XIRP2: variants seen among roughly 807,000 people sequenced by gnomAD.
XIRP2 encodes the protein xin actin binding repeat containing 2.
In XIRP2, 236 loss-of-function variants were observed where a neutral mutation model predicts 277.0. That is an observed-to-expected ratio of 0.85 (90% confidence interval 0.77 to 0.95). XIRP2 has a LOEUF of 0.95. Ranked by LOEUF, XIRP2 falls within the 40% of genes least tolerant of loss-of-function variation. The probability of loss-of-function intolerance (pLI) is 0.00; values close to 1 mark genes in which losing one functional copy is unlikely to be tolerated. For missense variants in XIRP2, 4,640 were observed against 4,157.5 expected (o/e 1.12, Z -3.19); for synonymous variants, 1,490 against 1,416.5 (o/e 1.05, Z -1.17).
Position 167,249,296 on chromosome 2 carries a change from A to G in XIRP2, c.7904A>G (p.Glu2635Gly). 4 of 1,613,878 alleles carry G rather than the reference A, an allele frequency of 2.5e-6. No homozygotes were observed. Among genetic ancestry groups the G allele is most frequent in the Non-Finnish European group, 3.4e-6 (4 of 1,179,824 alleles). ...AACCAACTCTCCACAACATCGCCAG[A>G]AACAGTCGCTGCCAAGAGGCTCCAC... ...SDNQLSTTSP[E>G]TVAAKRLHHV... is the part of the protein sequence containing the mutation. The change falls in exon 9 of 11, where the codon GAA (glutamate) becomes GGA (glycine). Residue 2635 changes from glutamate to glycine, a missense_variant. Coordinates refer to ENST00000409195, the MANE Select transcript of XIRP2 (RefSeq NM_152381.6).
intron 8 of XIRP2, 56 bp from the exon 9 acceptor site, chr2:167,242,513 G>C: frequency 6.5e-7 from 1 of 1,531,566 alleles, no homozygotes; most frequent in Non-Finnish European, 8.8e-7. Context: ...GCAGTGCCTA[G>C]GAAGCCTCTG....
intron 2 of XIRP2, among the ~76,000 whole-genome samples, chr2:166,976,338 C>T (rs1234354039): frequency 6.6e-6 from 1 of 152,162 alleles, no homozygotes; most frequent in Non-Finnish European, 1.5e-5. Flanking sequence ...TCCACTCTCC[C>T]ATTCTGTGTT....
intron 6 of XIRP2, 45 bp from the exon 7 acceptor site, chr2:167,240,619 T>G: frequency 6.5e-7 from 1 of 1,544,766 alleles, no homozygotes; most frequent in Non-Finnish European, 8.9e-7. Flanking sequence ...CTAAAATAAT[T>G]GACTTCTTAA....
intron 7 of XIRP2, among the ~76,000 whole-genome samples, chr2:167,241,009 G>A (rs1309325110): frequency 1.3e-5 from 2 of 151,980 alleles, no homozygotes; most frequent in African/African-American, 4.8e-5. Flanking sequence ...ATTCCTTTTT[G>A]CCTCAGGGAC....
chr2:167,243,336 A>C lies in XIRP2; in HGVS notation c.1944A>C (p.Arg648Ser). 1 of 1,614,136 alleles carries C rather than the reference A, an allele frequency of 6.2e-7. No homozygotes were observed. The highest frequency in any genetic ancestry group is 8.5e-7 in the Non-Finnish European group (1 of 1,180,000). The change falls in exon 9 of 11, where the codon AGA becomes AGC. Residue 648 changes from arginine to serine, a missense_variant. By Grantham distance (110) the Arg-to-Ser change is moderately radical. Transcript: ENST00000409195. ...CAGAGAAAATTCCTGAGCTAGCCAGAGGAGATGTCTGCACAGCTCGGTGGA... is the reference window on the plus strand; with the variant it reads ...CAGAGAAAATTCCTGAGCTAGCCAGCGGAGATGTCTGCACAGCTCGGTGGA... ...ENAEKIPELARGDVCTARWMF... is the reference protein window; with the variant it reads ...ENAEKIPELASGDVCTARWMF...
Position 167,046,938 on chromosome 2 carries a change from GA to G in XIRP2, c.409-88961del, listed in dbSNP as rs921596016. ...CTCGAACATGAAATAAAAGTTGAAA[GA>G]AAAAAAAAAGAAATTTCATAAATTT... On this transcript the variant is annotated intron_variant, in intron 2 of 10. Transcript: ENST00000409195. Among the ~76,000 whole-genome samples the G allele has an allele frequency of 2.2e-4, 32 of 147,048 alleles. 1 individual carries two copies. Among genetic ancestry groups the G allele is most frequent in the Admixed American group, 1.5e-3 (22 of 14,698 alleles).
At chr2:167,006,029 T>C (rs1287894010) in intron 2 of XIRP2, among the ~76,000 whole-genome samples, 2 of 151,800 alleles carry the variant, frequency 1.3e-5, no homozygotes, top group African/African-American at 2.4e-5. Context: ...TTTAAGATCA[T>C]TTACTTTTAG....
intron 2 of XIRP2, among the ~76,000 whole-genome samples, chr2:167,122,262 A>G (rs750060310): frequency 9.2e-5 from 14 of 152,176 alleles, no homozygotes; most frequent in Non-Finnish European, 1.6e-4. Flanking sequence ...TTAACATTGG[A>G]CCCAACCAAA....
chr2:166,917,531 A>G (rs1166936217), intron 2 of XIRP2, among the ~76,000 whole-genome samples: 4 of 152,124 alleles, frequency 2.6e-5, no homozygotes, highest in Admixed American at 1.3e-4. Flanking sequence ...CCAACTAAAC[A>G]TATTTGCATG....
chr2:167,200,199 C>A (rs963156822), intron 3 of XIRP2, among the ~76,000 whole-genome samples: 1 of 152,148 alleles, frequency 6.6e-6, no homozygotes, highest in Non-Finnish European at 1.5e-5. Context: ...TAGAATGAAT[C>A]ATCAATGAAG....
At chr2:167,100,438 T>C (rs994071110) in intron 2 of XIRP2, among the ~76,000 whole-genome samples, 2 of 152,242 alleles carry the variant, frequency 1.3e-5, no homozygotes, top group Admixed American at 6.5e-5. Flanking sequence ...TATACTAGCC[T>C]GTCTAGGATT....
intron 3 of XIRP2, among the ~76,000 whole-genome samples, chr2:167,191,761 T>A (rs1476070219): frequency 6.6e-6 from 1 of 152,218 alleles, no homozygotes; most frequent in African/African-American, 2.4e-5. Context: ...TTCAAGTAGA[T>A]CTTTGTCTTT....
intron 2 of XIRP2, among the ~76,000 whole-genome samples, chr2:167,127,157 A>T (rs1310601470): frequency 6.6e-6 from 1 of 152,140 alleles, no homozygotes; most frequent in Non-Finnish European, 1.5e-5. Context: ...GCTGCATTTG[A>T]AATGCCCTAC....
At chr2:167,196,410 T>TA (rs1491396876) in intron 3 of XIRP2, among the ~76,000 whole-genome samples, 224 of 77,718 alleles carry the variant, frequency 2.9e-3, no homozygotes, top group African/African-American at 0.011. Flanking sequence ...GTGTCAAGAA[T>TA]TTTGTGTGTG....
At chr2:167,135,859 G>C in intron 2 of XIRP2, 50 bp from the exon 3 acceptor site, 1 of 1,486,538 alleles carries the variant, frequency 6.7e-7, no homozygotes, top group Non-Finnish European at 9.0e-7. Context: ...AAACACATCT[G>C]TTTCCTACTG....
intron 2 of XIRP2, among the ~76,000 whole-genome samples, chr2:167,118,749 A>G (rs1454123463): frequency 5.9e-5 from 9 of 152,100 alleles, no homozygotes; most frequent in Non-Finnish European, 2.9e-5. Context: ...TTTATAAATT[A>G]CCTAGTTTCA....
chr2:167,222,459 G>A (rs1044559940), intron 5 of XIRP2, among the ~76,000 whole-genome samples: 5 of 152,094 alleles, frequency 3.3e-5, no homozygotes, highest in South Asian at 2.1e-4. Context: ...TACCCATTTC[G>A]ATTTTGTTTT....
chr2:167,105,565 G>T (rs984114256), intron 2 of XIRP2, among the ~76,000 whole-genome samples: 8 of 151,884 alleles, frequency 5.3e-5, no homozygotes, highest in Non-Finnish European at 1.0e-4. Flanking sequence ...TGAAGAGTAT[G>T]TGTGTTAGTT....
chr2:167,036,496 T>A (rs1181315305), intron 2 of XIRP2, among the ~76,000 whole-genome samples: 1 of 152,180 alleles, frequency 6.6e-6, no homozygotes, highest in African/African-American at 2.4e-5. Context: ...TTATCCCATT[T>A]GGAATGGCTG....
Sources: gnomAD v4.1 joint callset for allele counts (sites outside exome capture counted in the v4.1 genomes callset) on GRCh38, gnomAD v4.1.1 for gene constraint, MANE v1.5 for transcripts, NCBI Gene and HGNC (gene_info 2026-07-23, HGNC 2026-07-21) for gene names.